Variants in UNC13C observed in about 807,000 individuals in gnomAD.
UNC13C encodes the protein unc-13 homolog C, also known as protein unc-13 homolog C.
Under a neutral mutation model 245.4 loss-of-function variants are expected in UNC13C, and 174 were observed. That is an observed-to-expected ratio of 0.71 (90% CI 0.63 to 0.80). UNC13C has a LOEUF of 0.80. Among genes scored for constraint, UNC13C ranks in the 30% least tolerant of loss-of-function variants. UNC13C has a pLI of 0.00. For synonymous variants in UNC13C, 992 were observed against 895.1 expected, an observed-to-expected ratio of 1.11 and a Z score of -1.93; for missense variants, 2,829 against 2,602.9, an observed-to-expected ratio of 1.09 and a Z score of -1.89.
intron 21 of UNC13C, among the ~76,000 whole-genome samples, chr15:54,500,465 TGGAACTTTTCCA>T (rs1272059950): frequency 6.6e-6 from 1 of 152,112 alleles, no homozygotes; most frequent in African/African-American, 2.4e-5. Context: ...TTTGTTGTCC[TGGAACTTTTCCA>T]GGATTTCTAG....
rs555196257 is a variant in UNC13C at position 54,527,011 on chromosome 15, G to A, written c.5546+1374G>A. Among the ~76,000 whole-genome samples, 9 of 152,204 alleles carry A rather than the reference G, an allele frequency of 5.9e-5. No homozygotes were observed. In the South Asian group the frequency reaches 1.9e-3, roughly 32 times the overall value. On this transcript the variant is annotated intron_variant, in intron 25 of 32. Transcript: ENST00000260323. ...TGTGTCTGTAACTTCCTTAAGCAAG[G>A]TGGCCTTGTCTTCATGGAACTCACC...
rs532286087 is a variant in UNC13C, at chr15:54,446,370, T to C, written c.4933+31303T>C. On this transcript the variant is annotated intron_variant, in intron 19 of 32. Transcript: ENST00000260323. ...CTTGTTGGGGATGGCATTGAATCTATAAATTACCTTAGGCAGTATGGCCAT... is the reference window on the plus strand; with the variant it reads ...CTTGTTGGGGATGGCATTGAATCTACAAATTACCTTAGGCAGTATGGCCAT... Among the ~76,000 whole-genome samples, 10 of 152,378 alleles carry C rather than the reference T, an allele frequency of 6.6e-5. 1 individual carries two copies. The highest frequency in any genetic ancestry group is 3.3e-4 in the Admixed American group (5 of 15,314).
chr15:54,012,998 A>T lies in UNC13C; in HGVS notation c.95A>T (p.Asn32Ile), dbSNP rs746798733. 1.2e-6 allele frequency: 2 copies of T among 1,613,904 alleles called. No homozygotes were observed. The highest frequency in any genetic ancestry group is 8.5e-7 in the Non-Finnish European group (1 of 1,179,842). ...AAGAAATTGGGAAATACAAACAAAAACAAAGAGTATCGTCAGCAGAAAAAG... is the reference window on the plus strand; with the variant it reads ...AAGAAATTGGGAAATACAAACAAAATCAAAGAGTATCGTCAGCAGAAAAAG... Reference protein sequence around the residue: ...FTKKLGNTNKNKEYRQQKKDQ... With the variant: ...FTKKLGNTNKIKEYRQQKKDQ... Residue 32 changes from asparagine to isoleucine, a missense_variant, in exon 2 of 33, where the codon AAC becomes ATC. By Grantham distance (149) the Asn-to-Ile change is moderately radical (BLOSUM62 -3). Coordinates refer to ENST00000260323, the MANE Select transcript of UNC13C (RefSeq NM_001080534.3).
intron 19 of UNC13C, among the ~76,000 whole-genome samples, chr15:54,455,201 CTCTCTA>C (rs1253050957): frequency 1.3e-3 from 42 of 33,270 alleles, no homozygotes; most frequent in South Asian, 2.1e-3. Flanking sequence ...CTCTCTCTCT[CTCTCTA>C]TATATATATA....
chr15:54,318,877 G>A (rs565866280), intron 13 of UNC13C, among the ~76,000 whole-genome samples: 2 of 151,904 alleles, frequency 1.3e-5, no homozygotes, highest in Admixed American at 1.3e-4. Context: ...AAATCATCCT[G>A]TGAATGCCTT....
At chr15:54,488,840 T>C (rs1893556407) in intron 19 of UNC13C, among the ~76,000 whole-genome samples, 1 of 152,204 alleles carries the variant, frequency 6.6e-6, no homozygotes, top group African/African-American at 2.4e-5. Context: ...AAATGTTTTA[T>C]TTTGTAAATG....
chr15:54,338,814 C>A (rs1186170051), intron 17 of UNC13C, among the ~76,000 whole-genome samples: 1 of 152,164 alleles, frequency 6.6e-6, no homozygotes, highest in African/African-American at 2.4e-5. Flanking sequence ...AGGATTCCAA[C>A]TCCTGTTTCT....
At chr15:54,407,927 T>C (rs948394126) in intron 18 of UNC13C, among the ~76,000 whole-genome samples, 32 of 151,352 alleles carry the variant, frequency 2.1e-4, no homozygotes, top group African/African-American at 2.9e-4. Flanking sequence ...ATGGGCGGGG[T>C]GCGGTGGCTC....
At chr15:54,268,038 C>G (rs1420382529) in intron 10 of UNC13C, among the ~76,000 whole-genome samples, 1 of 151,900 alleles carries the variant, frequency 6.6e-6, no homozygotes, top group African/African-American at 2.4e-5. Flanking sequence ...TGGTGGTTTG[C>G]TGCACCTATC....
At chr15:54,328,906 C>G (rs894545762) in intron 14 of UNC13C, among the ~76,000 whole-genome samples, 1 of 152,032 alleles carries the variant, frequency 6.6e-6, no homozygotes, top group Non-Finnish European at 1.5e-5. Context: ...TCAAGTTTCA[C>G]TGGAAAATAA....
At chr15:54,507,659 G>A (rs369255918) in intron 23 of UNC13C, among the ~76,000 whole-genome samples, 17 of 152,022 alleles carry the variant, frequency 1.1e-4, no homozygotes, top group South Asian at 1.0e-3. Flanking sequence ...TTTTTTAGAT[G>A]ATTGAGAAAA....
chr15:54,463,343 C>T (rs1056974404), intron 19 of UNC13C, among the ~76,000 whole-genome samples: 1 of 143,856 alleles, frequency 7.0e-6, no homozygotes, highest in African/African-American at 2.5e-5. Flanking sequence ...CCACTGGGGT[C>T]CCCTTCCACA....
intron 4 of UNC13C, among the ~76,000 whole-genome samples, chr15:54,178,048 C>T (rs2033674558): frequency 6.6e-6 from 1 of 152,066 alleles, no homozygotes; most frequent in South Asian, 2.1e-4. Context: ...ACCCTACTTT[C>T]CTCTATCTTT....
intron 1 of UNC13C, among the ~76,000 whole-genome samples, chr15:54,000,812 A>C (rs955974515): frequency 1.3e-5 from 2 of 152,210 alleles, no homozygotes; most frequent in Non-Finnish European, 2.9e-5. Flanking sequence ...GACTTCATAA[A>C]TTAGACTTGT....
At chr15:54,088,314 C>T (rs1269406916) in intron 2 of UNC13C, among the ~76,000 whole-genome samples, 4 of 149,468 alleles carry the variant, frequency 2.7e-5, no homozygotes, top group Non-Finnish European at 5.9e-5. Flanking sequence ...CCCCGACATC[C>T]TTGTGTATCC....
At chr15:53,970,241 T>C in the UNC13C span, among the ~76,000 whole-genome samples, 2 of 152,134 alleles carry the variant, frequency 1.3e-5, no homozygotes, top group African/African-American at 2.4e-5. Flanking sequence ...GGCTAATTTT[T>C]TGTATTTAGT....
the UNC13C span, among the ~76,000 whole-genome samples, chr15:53,928,062 C>T: frequency 2.6e-5 from 4 of 152,042 alleles, no homozygotes; most frequent in East Asian, 1.9e-4. Flanking sequence ...CAGAGATTGC[C>T]GAGACCAGCT....
chr15:54,421,234 C>T (rs918267060), intron 19 of UNC13C, among the ~76,000 whole-genome samples: 1 of 151,810 alleles, frequency 6.6e-6, no homozygotes, highest in African/African-American at 2.4e-5. Flanking sequence ...TTGATGTATT[C>T]ATGATTGAGT....
At position 54,178,839 on chromosome 15, in the gene UNC13C, C is replaced by T. The variant is rs1203547750; in HGVS notation, c.3071+35155C>T. 2.0e-5 allele frequency among the ~76,000 whole-genome samples: 3 copies of T among 152,088 alleles called. No individual in the cohort carries two copies. In the East Asian group the frequency reaches 5.8e-4, roughly 29 times the overall value. On this transcript the variant is annotated intron_variant, in intron 4 of 32. Coordinates refer to ENST00000260323, the MANE Select transcript of UNC13C (RefSeq NM_001080534.3). ...GAAGTCTGACCTGTTCCCATACCTT[C>T]ACAGAATTAAGGAAATAAAATCCCG...
Sources: allele counts gnomAD v4.1 joint callset (sites outside exome capture counted in the v4.1 genomes callset), GRCh38; gene constraint gnomAD v4.1.1; transcripts MANE v1.5; gene names NCBI Gene and HGNC (gene_info 2026-07-23, HGNC 2026-07-21).